PLSCR1: variants seen among roughly 807,000 people sequenced by gnomAD.
The protein encoded by PLSCR1 is PL scramblase 1.
A neutral mutation model predicts 37.8 loss-of-function variants in PLSCR1; 17 were observed. That is an observed-to-expected ratio of 0.45 (90% CI 0.31 to 0.68). PLSCR1 has a LOEUF of 0.68. PLSCR1 is among the 30% of genes least tolerant of loss of function. PLSCR1 has a pLI of 0.06. For missense variants in PLSCR1, 347 were observed against 380.9 expected (o/e 0.91, Z 0.74); for synonymous variants, 116 against 125.9 (o/e 0.92, Z 0.53).
At chr3:146,518,323 C>G (rs953314690) in intron 7 of PLSCR1, among the ~76,000 whole-genome samples, 1 of 151,220 alleles carries the variant, frequency 6.6e-6, no homozygotes, top group Non-Finnish European at 1.5e-5. Flanking sequence ...ACAAATCTAC[C>G]TGGAGCAGAT....
chr3:146,539,520 G>C (rs1882974), intron 1 of PLSCR1, among the ~76,000 whole-genome samples: 41,246 of 152,020 alleles, frequency 0.27, 5,822 homozygotes, highest in African/African-American at 0.32. Flanking sequence ...GTTTCAAGTC[G>C]TTGCCAAATG....
chr3:146,525,644 C>A lies in PLSCR1; in HGVS notation c.316G>T (p.Asp106Tyr), dbSNP rs779641458. ...ATTTGCTGATGAATCAGTATCTGAT[C>A]TATCTATAGCAGGAAAAAAAATAAG... ...PPGLEYLSQIDQILIHQQIEL... is the reference protein window; with the variant it reads ...PPGLEYLSQIYQILIHQQIEL... The change falls in exon 5 of 9, where the codon GAT (aspartate) becomes TAT (tyrosine). Residue 106 changes from aspartate to tyrosine, a missense_variant. Coordinates refer to ENST00000342435, the MANE Select transcript of PLSCR1 (RefSeq NM_021105.3). 4.7e-6 allele frequency: 7 copies of A among 1,481,242 alleles called. No homozygotes were observed. In the South Asian group the frequency reaches 8.2e-5, roughly 17 times the overall value. The allele number at this position is 1,481,242 out of a possible 1,614,324, so 91.8% of individuals were successfully genotyped here.
intron 2 of PLSCR1, among the ~76,000 whole-genome samples, chr3:146,533,872 C>T (rs2044232087): frequency 6.6e-6 from 1 of 152,102 alleles, no homozygotes; most frequent in Non-Finnish European, 1.5e-5. Flanking sequence ...TTTAAAATTA[C>T]ATACAGACTA....
At chr3:146,535,953 C>T (rs2044260052) in intron 2 of PLSCR1, among the ~76,000 whole-genome samples, 1 of 151,940 alleles carries the variant, frequency 6.6e-6, no homozygotes, top group South Asian at 2.1e-4. Context: ...TTTAATTTTC[C>T]CTATGTAGTG....
chr3:146,519,169 A>C (rs931200684), intron 7 of PLSCR1, among the ~76,000 whole-genome samples: 1 of 152,174 alleles, frequency 6.6e-6, no homozygotes, highest in Non-Finnish European at 1.5e-5. Flanking sequence ...TTAAAGTCAC[A>C]TAGATAAGTG....
intron 7 of PLSCR1, among the ~76,000 whole-genome samples, chr3:146,521,085 T>G (rs369056373): frequency 9.9e-5 from 15 of 152,040 alleles, no homozygotes; most frequent in African/African-American, 2.9e-4. Flanking sequence ...TATACTAATT[T>G]TCTCAAAACT....
At chr3:146,542,730 AAT>A (rs2044352502) in intron 1 of PLSCR1, among the ~76,000 whole-genome samples, 1 of 152,188 alleles carries the variant, frequency 6.6e-6, no homozygotes, top group Non-Finnish European at 1.5e-5. Context: ...AGGGCAGTGC[AAT>A]ACAGTGTGTA....
intron 7 of PLSCR1, 184 bp from the exon 8 acceptor site, chr3:146,517,351 AG>A (rs1201307055): frequency 6.1e-6 from 2 of 327,850 alleles, no homozygotes; most frequent in African/African-American, 4.3e-5. Flanking sequence ...CATTGTACGG[AG>A]AAATTATATT....
At chr3:146,530,131 C>CA (rs1215647075) in intron 3 of PLSCR1, among the ~76,000 whole-genome samples, 4 of 152,106 alleles carry the variant, frequency 2.6e-5, no homozygotes, top group Non-Finnish European at 5.9e-5. Context: ...CACAGTGTAG[C>CA]AATTCCATAG....
chr3:146,535,225 A>G (rs1470422956), intron 2 of PLSCR1, among the ~76,000 whole-genome samples: 2 of 152,000 alleles, frequency 1.3e-5, no homozygotes, highest in African/African-American at 4.8e-5. Context: ...AATAAGCAAC[A>G]TTGTTTGAAT....
intron 5 of PLSCR1, chr3:146,525,379 T>A (rs1448484421): frequency 2.2e-6 from 1 of 463,462 alleles, no homozygotes; most frequent in Non-Finnish European, 3.9e-6. Flanking sequence ...ATTATTTTCC[T>A]TCTAAGTTAG....
Position 146,515,866 on chromosome 3 carries a change from T to C in PLSCR1, c.*179A>G. On this transcript the variant is annotated 3_prime_UTR_variant, in exon 9 of 9. Coordinates refer to ENST00000342435, the MANE Select transcript of PLSCR1 (RefSeq NM_021105.3). ...CTTTTTCTCAAATTGACAATGAGTA[T>C]TAAAAAATGTACAAAAACCTTTATA... The C allele has an allele frequency of 2.3e-6, 1 of 434,206 alleles. No homozygotes were observed. The highest frequency in any genetic ancestry group is 4.1e-6 in the Non-Finnish European group (1 of 244,134). 26.9% of individuals were successfully genotyped at this position (434,206 alleles called of 1,614,324 possible).
intron 7 of PLSCR1, among the ~76,000 whole-genome samples, chr3:146,521,175 T>G (rs1309692546): frequency 6.6e-6 from 1 of 152,204 alleles, no homozygotes; most frequent in African/African-American, 2.4e-5. Context: ...TGGCAGATGA[T>G]ATTTCAGATT....
intron 1 of PLSCR1, among the ~76,000 whole-genome samples, chr3:146,539,754 G>T (rs1178228853): frequency 6.6e-6 from 1 of 152,178 alleles, no homozygotes; most frequent in Non-Finnish European, 1.5e-5. Context: ...TAAAATCTGG[G>T]TCTTTGCTTT....
Position 146,528,784 on chromosome 3 carries a change from G to C in PLSCR1, c.142C>G (p.Pro48Ala), listed in dbSNP as rs529731330. 6.2e-7 allele frequency: 1 copy of C among 1,614,152 alleles called. No individual in the cohort carries two copies. Among genetic ancestry groups the C allele is most frequent in the East Asian group, 2.2e-5 (1 of 44,884 alleles). Residue 48 changes from proline to alanine, a missense_variant, in exon 4 of 9, where the codon CCC (proline) becomes GCC (alanine). Physicochemically the swap from Pro to Ala is conservative, Grantham distance 27 (BLOSUM62 -1). Transcript: ENST00000342435. ...GGACCTGAATGGCCGGCTGGTGGGG[G>C]TGGGTAGCTGACCTGGGGCCCAGGG... ...GYPGPQVSYP[P>A]PPAGHSGPGP...
At chr3:146,531,607 A>G (rs919692280) in intron 3 of PLSCR1, among the ~76,000 whole-genome samples, 2 of 152,224 alleles carry the variant, frequency 1.3e-5, no homozygotes, top group Non-Finnish European at 2.9e-5. Context: ...TTTGAATACT[A>G]GTATCATTTA....
chr3:146,544,595 C>G lies in PLSCR1; in HGVS notation c.-142G>C, dbSNP rs1189589791. The G allele has an allele frequency of 2.0e-5, 3 of 152,384 alleles. No homozygotes were observed. Among genetic ancestry groups the G allele is most frequent in the African/African-American group, 4.8e-5 (2 of 41,472 alleles). The allele number at this position is 152,384 out of a possible 1,614,324, so 9.4% of individuals were successfully genotyped here. On this transcript the variant is annotated 5_prime_UTR_variant, in exon 1 of 9. Coordinates refer to ENST00000342435, the MANE Select transcript of PLSCR1 (RefSeq NM_021105.3). The stretch of plus-strand genomic sequence containing the variant: ...CTGCGCAACCTTCTCAGAAGTCAGC[C>G]GGAAAAGGGTCTGGGAGTAACCTTT...
chr3:146,532,883 C>A (rs1022068350), intron 3 of PLSCR1, among the ~76,000 whole-genome samples: 1 of 152,110 alleles, frequency 6.6e-6, no homozygotes, highest in African/African-American at 2.4e-5. Flanking sequence ...TCAAATGACT[C>A]AATTACTTTT....
intron 1 of PLSCR1, among the ~76,000 whole-genome samples, chr3:146,541,388 T>G (rs1005114226): frequency 6.6e-6 from 1 of 152,226 alleles, no homozygotes; most frequent in African/African-American, 2.4e-5. Flanking sequence ...ATTGCTTTAC[T>G]ACTCTGAAAA....
Sources: gnomAD v4.1 joint callset for allele counts (sites outside exome capture counted in the v4.1 genomes callset) on GRCh38, gnomAD v4.1.1 for gene constraint, MANE v1.5 for transcripts, NCBI Gene and HGNC (gene_info 2026-07-23, HGNC 2026-07-21) for gene names.